LDHC: variants seen among roughly 807,000 people sequenced by gnomAD.
LDHC encodes the protein lactate dehydrogenase C, also known as L-lactate dehydrogenase C chain.
A neutral mutation model predicts 30.2 loss-of-function variants in LDHC; 20 were observed. The observed-to-expected ratio is 0.66, with a 90% CI of 0.47 to 0.96. LDHC has a LOEUF of 0.96. LDHC is among the 40% of genes least tolerant of loss of function. LDHC has a pLI of 0.00. For missense variants in LDHC, 362 were observed against 394.9 expected (o/e 0.92, Z 0.71); for synonymous variants, 139 against 132.7 (o/e 1.05, Z -0.32).
intron 6 of LDHC, among the ~76,000 whole-genome samples, chr11:18,444,992 A>G (rs1488146933): frequency 3.3e-5 from 5 of 152,178 alleles, no homozygotes; most frequent in Non-Finnish European, 7.4e-5. Flanking sequence ...ATGCAGCTCT[A>G]AAGTTTGTAT....
intron 7 of LDHC, among the ~76,000 whole-genome samples, chr11:18,449,908 G>A (rs1264342240): frequency 1.3e-5 from 2 of 152,026 alleles, no homozygotes; most frequent in Non-Finnish European, 2.9e-5. Context: ...GCCATTCCTG[G>A]TAACTGTTTA....
rs1413021917 is a variant in LDHC at position 18,434,687 on chromosome 11, A to AG, written c.419-53_419-52insG. On this transcript the variant is annotated intron_variant, in intron 4 of 7. Coordinates refer to ENST00000541669, the MANE Select transcript of LDHC (RefSeq NM_017448.5). ...TCATCTATGTATTCAGGAAAAAAAA[A>AG]ATTTTTTTAAGTTATGATGAATCTT... 22 of 1,160,742 alleles carry AG rather than the reference A, an allele frequency of 1.9e-5. No individual in the cohort carries two copies. The African/African-American group carries it at 2.9e-4, about 15-fold the overall frequency. The allele number at this position is 1,160,742 out of a possible 1,614,324, so 71.9% of individuals were successfully genotyped here. A position where few individuals can be genotyped will look rare whatever the true frequency, so the allele number is the denominator to read the frequency against.
At chr11:18,414,018 T>G (rs1425762655) in intron 2 of LDHC, among the ~76,000 whole-genome samples, 1 of 152,208 alleles carries the variant, frequency 6.6e-6, no homozygotes, top group African/African-American at 2.4e-5. Context: ...GTTTAGATTT[T>G]CTCTGTTGGC....
At chr11:18,424,317 G>A (rs1848122734) in intron 3 of LDHC, among the ~76,000 whole-genome samples, 1 of 152,074 alleles carries the variant, frequency 6.6e-6, no homozygotes, top group Admixed American at 6.6e-5. Context: ...AGGAGGTGGA[G>A]GTTGCAGTGA....
intron 6 of LDHC, among the ~76,000 whole-genome samples, chr11:18,446,008 A>C (rs1350805952): frequency 6.6e-6 from 1 of 152,220 alleles, no homozygotes; most frequent in Non-Finnish European, 1.5e-5. Context: ...ATAAAAAAGT[A>C]ATAAAGTATG....
intron 4 of LDHC, among the ~76,000 whole-genome samples, chr11:18,431,317 G>A (rs887550098): frequency 5.9e-5 from 9 of 151,622 alleles, no homozygotes; most frequent in African/African-American, 1.5e-4. Context: ...AAAATTAGCC[G>A]GGTGTGTGGT....
chr11:18,416,149 ATGTATAAATGCTTTTAAGCTTGT>A (rs1163090916), intron 3 of LDHC, among the ~76,000 whole-genome samples: 1 of 152,152 alleles, frequency 6.6e-6, no homozygotes, highest in Non-Finnish European at 1.5e-5. Context: ...TACATAACTG[ATGTATAAATGCTTTTAAGCTTGT>A]CATTTTGTCT....
intron 5 of LDHC, among the ~76,000 whole-genome samples, chr11:18,435,328 G>A (rs1848337661): frequency 6.6e-6 from 1 of 152,074 alleles, no homozygotes; most frequent in Non-Finnish European, 1.5e-5. Flanking sequence ...AGGTTGTCAT[G>A]GTTTAACACC....
At chr11:18,421,535 T>G (rs1250070056) in intron 3 of LDHC, among the ~76,000 whole-genome samples, 1 of 151,894 alleles carries the variant, frequency 6.6e-6, no homozygotes, top group African/African-American at 2.4e-5. Flanking sequence ...TAGTTGGGCG[T>G]GCTGATGCAT....
At chr11:18,450,897 A>G in intron 7 of LDHC, 66 bp from the exon 8 acceptor site, 2 of 1,188,576 alleles carry the variant, frequency 1.7e-6, no homozygotes, top group East Asian at 2.5e-5. Context: ...TCTCATTTTG[A>G]TGCCCTTTTG....
chr11:18,447,837 G>C (rs117555693), intron 7 of LDHC, among the ~76,000 whole-genome samples: 3,019 of 152,112 alleles, frequency 0.02, 48 homozygotes, highest in Middle Eastern at 0.034. Flanking sequence ...ATCACTTGAC[G>C]TCAGGAGTTT....
intron 3 of LDHC, among the ~76,000 whole-genome samples, chr11:18,429,136 T>TTC (rs1225212632): frequency 3.5e-5 from 5 of 143,610 alleles, no homozygotes; most frequent in Non-Finnish European, 1.5e-5. Context: ...TTTTTTTTTT[T>TTC]TTTGAGACAG....
chr11:18,450,586 G>A (rs1881717), intron 7 of LDHC: 18,644 of 166,956 alleles, frequency 0.11, 1,247 homozygotes, highest in East Asian at 0.32. Context: ...CTGCTTCACT[G>A]TTGCCTCGAT....
Position 18,412,722 on chromosome 11 carries a change from C to A in LDHC, c.5C>A (p.Ser2Ter). 1 of 1,613,498 alleles carries A rather than the reference C, an allele frequency of 6.2e-7. No individual in the cohort carries two copies. Among genetic ancestry groups the A allele is most frequent in the South Asian group, 1.1e-5 (1 of 90,964 alleles). M[S>*]TVKEQLIEKL... Reference sequence around the variant, plus strand: ...TATCCCTATCAGGTTCTCCAAATGTCAACTGTCAAGGAGCAGCTAATTGAG... The same window carrying A: ...TATCCCTATCAGGTTCTCCAAATGTAAACTGTCAAGGAGCAGCTAATTGAG... Residue 2 changes from serine to a stop codon, truncating the protein, a stop_gained, in exon 2 of 8, where the codon TCA (serine) becomes TAA (stop). Coordinates refer to ENST00000541669, the MANE Select transcript of LDHC (RefSeq NM_017448.5). LOFTEE classifies it high-confidence loss of function.
At chr11:18,436,647 C>A (rs549387326) in intron 5 of LDHC, among the ~76,000 whole-genome samples, 2 of 151,782 alleles carry the variant, frequency 1.3e-5, no homozygotes, top group African/African-American at 4.8e-5. Context: ...CCACCACACC[C>A]GACTAATTTT....
chr11:18,429,965 CT>C, intron 4 of LDHC, 55 bp downstream of exon 4: 1 of 1,090,100 alleles, frequency 9.2e-7, no homozygotes, highest in Admixed American at 2.2e-5. Context: ...CATACCATTC[CT>C]TTAAAAGAAT....
chr11:18,449,428 TAAAAAAAAAAAA>T (rs557136321), intron 7 of LDHC, among the ~76,000 whole-genome samples: 2,102 of 48,512 alleles, frequency 0.043, 39 homozygotes, highest in Non-Finnish European at 0.059. Flanking sequence ...CACTGTCTCC[TAAAAAAAAAAAA>T]AAAAAAAAAA....
At position 18,412,608 on chromosome 11, in the gene LDHC, G is replaced by C. The variant is rs946710603; in HGVS notation, c.-9-101G>C. The C allele has an allele frequency of 3.0e-5, 33 of 1,084,452 alleles. No homozygotes were observed. In the African/African-American group the frequency reaches 4.6e-4, roughly 15 times the overall value. The allele number at this position is 1,084,452 out of a possible 1,614,324, so 67.2% of individuals were successfully genotyped here. On this transcript the variant is annotated intron_variant, in intron 1 of 7. Coordinates refer to ENST00000541669, the MANE Select transcript of LDHC (RefSeq NM_017448.5). ...CCTTTGACCAGGAAATTCTTTCTTT[G>C]GCTTCCCCCCATCCCCGGCTCCAAC...
At chr11:18,437,477 G>A (rs1462126754) in intron 5 of LDHC, among the ~76,000 whole-genome samples, 1 of 151,630 alleles carries the variant, frequency 6.6e-6, no homozygotes, top group Non-Finnish European at 1.5e-5. Context: ...CCAGGGCCGG[G>A]CACGGTGGCT....
Sources: gnomAD v4.1 joint callset for allele counts (sites outside exome capture counted in the v4.1 genomes callset) on GRCh38, gnomAD v4.1.1 for gene constraint, MANE v1.5 for transcripts, NCBI Gene and HGNC (gene_info 2026-07-23, HGNC 2026-07-21) for gene names.